The following RAB6A variants were observed in gnomAD, a reference collection of about 807,000 sequenced individuals.
RAB6A encodes ras-related protein Rab-6A.
RAB6A carries 8 observed loss-of-function variants against 32.3 expected under a neutral mutation model. That is an observed-to-expected ratio of 0.25 (90% CI 0.15 to 0.45). The LOEUF is 0.45. Among genes scored for constraint, RAB6A ranks in the 20% least tolerant of loss-of-function variants. The pLI, the probability that RAB6A is intolerant of heterozygous loss-of-function variation, is 1.00. For synonymous variants in RAB6A, 73 were observed against 82.1 expected (o/e 0.89, Z 0.60); for missense variants, 104 against 249.4 (o/e 0.42, Z 3.93).
At chr11:73,691,710 C>G (rs1449960525) in intron 6 of RAB6A, among the ~76,000 whole-genome samples, 1 of 152,176 alleles carries the variant, frequency 6.6e-6, no homozygotes, top group African/African-American at 2.4e-5. Context: ...CTTGTAATCC[C>G]AGCACTTTGG....
chr11:73,721,772 C>CT, intron 2 of RAB6A, among the ~76,000 whole-genome samples: 1 of 152,064 alleles, frequency 6.6e-6, no homozygotes, highest in Non-Finnish European at 1.5e-5. Flanking sequence ...CCCTAAATAT[C>CT]TTTGTGCCAT....
chr11:73,683,210 T>C (rs921043873), intron 6 of RAB6A, among the ~76,000 whole-genome samples: 1 of 151,994 alleles, frequency 6.6e-6, no homozygotes, highest in Non-Finnish European at 1.5e-5. Context: ...TTTTTATTTT[T>C]GTATACAGAA....
chr11:73,692,222 A>C (rs1036679329), intron 6 of RAB6A, among the ~76,000 whole-genome samples: 2 of 151,222 alleles, frequency 1.3e-5, no homozygotes, highest in African/African-American at 2.4e-5. Context: ...AAAGAAATCA[A>C]GGCCGGGCGC....
At chr11:73,678,616 C>G (rs1295799063) in intron 7 of RAB6A, among the ~76,000 whole-genome samples, 1 of 141,098 alleles carries the variant, frequency 7.1e-6, no homozygotes, top group East Asian at 2.3e-4. Context: ...GACTCCATCT[C>G]AAAAAAAAAC....
chr11:73,756,877 T>A (rs752054944), intron 1 of RAB6A, among the ~76,000 whole-genome samples: 1 of 151,822 alleles, frequency 6.6e-6, no homozygotes, highest in Non-Finnish European at 1.5e-5. Flanking sequence ...TTTTGCCATG[T>A]TGGCCAGGCT....
intron 6 of RAB6A, among the ~76,000 whole-genome samples, chr11:73,685,719 A>G (rs1945441389): frequency 6.7e-6 from 1 of 148,576 alleles, no homozygotes; most frequent in Non-Finnish European, 1.5e-5. Flanking sequence ...TCTCTATTAA[A>G]AATACAAAAA....
intron 1 of RAB6A, among the ~76,000 whole-genome samples, chr11:73,744,348 A>AG (rs960252139): frequency 4.0e-5 from 6 of 150,286 alleles, no homozygotes; most frequent in African/African-American, 1.5e-4. Context: ...AAAAAAAAAA[A>AG]AAAAAAATTT....
At chr11:73,705,674 T>A (rs1267711225) in intron 6 of RAB6A, among the ~76,000 whole-genome samples, 2 of 151,938 alleles carry the variant, frequency 1.3e-5, no homozygotes, top group East Asian at 3.9e-4. Context: ...ATTACACAAA[T>A]TATTTAACTG....
intron 6 of RAB6A, among the ~76,000 whole-genome samples, chr11:73,687,789 G>A (rs560230201): frequency 6.6e-5 from 10 of 152,240 alleles, no homozygotes; most frequent in Admixed American, 6.5e-5. Flanking sequence ...CCCGGGAGGC[G>A]GAGGTTGCAG....
At chr11:73,732,356 G>A (rs1473630237) in intron 1 of RAB6A, among the ~76,000 whole-genome samples, 1 of 152,088 alleles carries the variant, frequency 6.6e-6, no homozygotes, top group Non-Finnish European at 1.5e-5. Flanking sequence ...GGAGGCCGAG[G>A]CGGGCGGATC....
intron 6 of RAB6A, among the ~76,000 whole-genome samples, chr11:73,705,783 A>G (rs921845668): frequency 6.6e-6 from 1 of 151,310 alleles, no homozygotes; most frequent in Admixed American, 6.6e-5. Context: ...AGAGAGAGAG[A>G]GAGAGAGAGA....
intron 7 of RAB6A, 122 bp from the exon 8 acceptor site, chr11:73,678,084 T>C (rs1945294885): frequency 2.0e-6 from 2 of 985,564 alleles, no homozygotes; most frequent in Non-Finnish European, 3.2e-6. Context: ...CTCACTATTT[T>C]CTACATAGCC....
intron 1 of RAB6A, among the ~76,000 whole-genome samples, chr11:73,758,920 C>T (rs977380602): frequency 6.6e-6 from 1 of 152,102 alleles, no homozygotes. Context: ...CAAGTTTATA[C>T]TTACTTCAGG....
chr11:73,757,158 T>TTG (rs762917342), intron 1 of RAB6A, among the ~76,000 whole-genome samples: 1 of 98,636 alleles, frequency 1.0e-5, no homozygotes, highest in Admixed American at 1.1e-4. Context: ...TTTTTTTTTT[T>TTG]CTTGAGACAG....
Position 73,677,043 on chromosome 11 carries a change from A to C in RAB6A, c.*855T>G, listed in dbSNP as rs1337879091. 1 of 166,884 alleles carries C rather than the reference A, an allele frequency of 6.0e-6. No homozygotes were observed. The highest frequency in any genetic ancestry group is 6.5e-5 in the Admixed American group (1 of 15,290). 10.3% of individuals were successfully genotyped at this position (166,884 alleles called of 1,614,324 possible). The stretch of plus-strand genomic sequence containing the variant: ...CTCTTGACAATTTTAAAACCTTGGG[A>C]GAAACAGTTCATTAGAACTTCATTT... On this transcript the variant is annotated 3_prime_UTR_variant, in exon 8 of 8. Coordinates refer to ENST00000336083, the MANE Select transcript of RAB6A (RefSeq NM_198896.2).
chr11:73,714,798 T>G (rs911814660), intron 5 of RAB6A, among the ~76,000 whole-genome samples: 1 of 151,782 alleles, frequency 6.6e-6, no homozygotes, highest in African/African-American at 2.4e-5. Flanking sequence ...AAACCCCGTC[T>G]CTACTAAAAA....
At chr11:73,739,263 T>TAAAAAAAAAAAAAAAAAA (rs58629008) in intron 1 of RAB6A, among the ~76,000 whole-genome samples, 1 of 9,378 alleles carries the variant, frequency 1.1e-4, no homozygotes, top group Non-Finnish European at 1.9e-4. Context: ...TAATAATAAT[T>TAAAAAAAAAAAAAAAAAA]AAAAAAAAAA....
chr11:73,740,759 G>A (rs1946481689), intron 1 of RAB6A, among the ~76,000 whole-genome samples: 1 of 151,956 alleles, frequency 6.6e-6, no homozygotes. Context: ...GTGATGGCAT[G>A]CGCCTGTAAT....
intron 6 of RAB6A, among the ~76,000 whole-genome samples, chr11:73,687,096 G>A (rs182317682): frequency 9.9e-5 from 15 of 152,120 alleles, no homozygotes; most frequent in Non-Finnish European, 1.8e-4. Context: ...GCATCTTGAG[G>A]ACATTATGCA....
Sources: gnomAD v4.1 joint callset for allele counts (sites outside exome capture counted in the v4.1 genomes callset) on GRCh38, gnomAD v4.1.1 for gene constraint, MANE v1.5 for transcripts, NCBI Gene and HGNC (gene_info 2026-07-23, HGNC 2026-07-21) for gene names.